The following MARCHF1 variants were observed in gnomAD, a reference collection of about 807,000 sequenced individuals.
The protein encoded by MARCHF1 is membrane associated ring-CH-type finger 1, also known as E3 ubiquitin-protein ligase MARCHF1.
Under a neutral mutation model 54.2 loss-of-function variants are expected in MARCHF1, and 40 were observed. That is an observed-to-expected ratio of 0.74 (90% CI 0.57 to 0.96). The LOEUF (loss-of-function observed/expected upper bound fraction) is 0.96, where lower values mean the gene tolerates loss of function less well. Among genes scored for constraint, MARCHF1 ranks in the 40% least tolerant of loss-of-function variants. The pLI is 0.00. For missense variants in MARCHF1, 586 were observed against 656.5 expected (o/e 0.89, Z 1.17); for synonymous variants, 236 against 236.3 (o/e 1.00, Z 0.01).
chr4:164,053,079 A>C (rs1344970699), intron 2 of MARCHF1, among the ~76,000 whole-genome samples: 1 of 152,194 alleles, frequency 6.6e-6, no homozygotes, highest in Non-Finnish European at 1.5e-5. Context: ...ATAATCAAAG[A>C]ATATTGAATT....
intron 4 of MARCHF1, among the ~76,000 whole-genome samples, chr4:163,734,973 C>G (rs1283094829): frequency 3.3e-5 from 5 of 152,100 alleles, no homozygotes; most frequent in African/African-American, 1.2e-4. Context: ...TGATCTGGCT[C>G]CTTGCTAGTG....
intron 2 of MARCHF1, among the ~76,000 whole-genome samples, chr4:164,044,529 T>C (rs888317894): frequency 1.3e-5 from 2 of 152,088 alleles, no homozygotes; most frequent in Non-Finnish European, 2.9e-5. Flanking sequence ...CAATTCGACA[T>C]GAGATTTGGG....
intron 1 of MARCHF1, among the ~76,000 whole-genome samples, chr4:164,140,442 T>A (rs1756504485): frequency 6.6e-6 from 1 of 152,110 alleles, no homozygotes; most frequent in African/African-American, 2.4e-5. Flanking sequence ...ACCGGATCAC[T>A]GCATTTGGAC....
At chr4:163,710,509 A>T (rs1358462313) in intron 4 of MARCHF1, among the ~76,000 whole-genome samples, 1 of 151,828 alleles carries the variant, frequency 6.6e-6, no homozygotes, top group Non-Finnish European at 1.5e-5. Flanking sequence ...CTCCCTAAAA[A>T]ATATTATTCA....
At chr4:164,313,348 CAAAA>C (rs553280791) in intron 1 of MARCHF1, among the ~76,000 whole-genome samples, 1 of 80,232 alleles carries the variant, frequency 1.2e-5, no homozygotes, top group Non-Finnish European at 2.6e-5. Context: ...GACTCTGTCT[CAAAA>C]AAAAAAAAAA....
chr4:163,663,870 A>G lies in MARCHF1; in HGVS notation c.162+36943T>C, dbSNP rs551874636. On this transcript the variant is annotated intron_variant, in intron 5 of 9. Coordinates refer to ENST00000514618, the MANE Select transcript of MARCHF1 (RefSeq NM_001394959.1). The stretch of plus-strand genomic sequence containing the variant: ...TTTAATATTAGCCTCTTACTACTAG[A>G]TTGTTTATCAGAACTTTGAGCTATT... Among the ~76,000 whole-genome samples, 6 of 152,096 alleles carry G rather than the reference A, an allele frequency of 3.9e-5. No homozygotes were observed. The South Asian group carries it at 1.2e-3, about 32-fold the overall frequency.
intron 2 of MARCHF1, among the ~76,000 whole-genome samples, chr4:164,018,519 T>C (rs1487211992): frequency 1.3e-5 from 2 of 152,040 alleles, no homozygotes; most frequent in Non-Finnish European, 2.9e-5. Context: ...AATTGGCAAA[T>C]TATTTTAATG....
intron 1 of MARCHF1, among the ~76,000 whole-genome samples, chr4:164,343,130 T>A (rs1729976125): frequency 6.6e-6 from 1 of 152,206 alleles, no homozygotes; most frequent in African/African-American, 2.4e-5. Flanking sequence ...GTAGCTCTTA[T>A]GTATTCTCAG....
chr4:164,258,297 G>A (rs1241414042), intron 1 of MARCHF1, among the ~76,000 whole-genome samples: 2 of 151,964 alleles, frequency 1.3e-5, no homozygotes, highest in African/African-American at 4.8e-5. Context: ...ACCTAATGTA[G>A]ATGACTGGTT....
intron 2 of MARCHF1, among the ~76,000 whole-genome samples, chr4:164,088,466 GGCAGCTCACACCTGTAGTCCTA>G (rs1471479525): frequency 6.6e-6 from 1 of 152,156 alleles, no homozygotes; most frequent in Non-Finnish European, 1.5e-5. Context: ...GGCCAGGTGT[GGCAGCTCACACCTGTAGTCCTA>G]GTGCTTTGGG....
chr4:164,340,747 C>T (rs1295270134), intron 1 of MARCHF1, among the ~76,000 whole-genome samples: 1 of 151,528 alleles, frequency 6.6e-6, no homozygotes, highest in Non-Finnish European at 1.5e-5. Flanking sequence ...TTAATAGAGA[C>T]AGGTTTCACC....
intron 7 of MARCHF1, among the ~76,000 whole-genome samples, chr4:163,594,065 C>T (rs544748312): frequency 1.4e-3 from 206 of 152,142 alleles, no homozygotes; most frequent in African/African-American, 4.7e-3. Flanking sequence ...GGATGTGTGC[C>T]ATGTCAAGTG....
chr4:164,195,229 TG>T (rs1731223289), intron 1 of MARCHF1, among the ~76,000 whole-genome samples: 1 of 152,112 alleles, frequency 6.6e-6, no homozygotes, highest in Non-Finnish European at 1.5e-5. Context: ...CCTAGAAAAT[TG>T]TTTTTTTTCT....
intron 3 of MARCHF1, among the ~76,000 whole-genome samples, chr4:163,975,578 T>C (rs1030857506): frequency 2.0e-5 from 3 of 152,308 alleles, no homozygotes; most frequent in South Asian, 2.1e-4. Flanking sequence ...TCACAGTTCT[T>C]TTCAGGTAAA....
intron 1 of MARCHF1, among the ~76,000 whole-genome samples, chr4:164,276,959 G>T (rs868430873): frequency 0.025 from 2,903 of 115,220 alleles, 52 homozygotes; most frequent in African/African-American, 0.041. Flanking sequence ...GAGAGAGAGA[G>T]AGAGAGAGAC....
chr4:164,327,566 A>G (rs1204830226), intron 1 of MARCHF1, among the ~76,000 whole-genome samples: 2 of 152,278 alleles, frequency 1.3e-5, no homozygotes, highest in East Asian at 3.9e-4. Flanking sequence ...AAAGGCTTTT[A>G]AGTAAGGGAA....
chr4:163,908,577 G>A (rs1751121089), intron 3 of MARCHF1, among the ~76,000 whole-genome samples: 1 of 152,108 alleles, frequency 6.6e-6, no homozygotes, highest in South Asian at 2.1e-4. Context: ...GGATTTGAAG[G>A]AGGCTAAGAA....
intron 1 of MARCHF1, among the ~76,000 whole-genome samples, chr4:164,365,716 T>C (rs1730859676): frequency 1.3e-5 from 2 of 152,094 alleles, no homozygotes; most frequent in Admixed American, 6.6e-5. Context: ...CAGAGGCCAA[T>C]GAAAAGTTGA....
intron 2 of MARCHF1, among the ~76,000 whole-genome samples, chr4:164,078,935 C>A (rs1342402221): frequency 3.3e-5 from 5 of 151,952 alleles, no homozygotes; most frequent in Non-Finnish European, 5.9e-5. Context: ...AAAAAGAAAT[C>A]ACAATTATAA....
Sources: allele counts gnomAD v4.1 joint callset (sites outside exome capture counted in the v4.1 genomes callset), GRCh38; gene constraint gnomAD v4.1.1; transcripts MANE v1.5; gene names NCBI Gene and HGNC (gene_info 2026-07-23, HGNC 2026-07-21).